Variants in TNNT3 observed in about 807,000 individuals in gnomAD.
The protein encoded by TNNT3 is troponin T3, fast skeletal type, also known as troponin T, fast skeletal muscle.
A neutral mutation model predicts 54.2 loss-of-function variants in TNNT3; 36 were observed. That is an observed-to-expected ratio of 0.66 (90% CI 0.51 to 0.88). TNNT3 has a LOEUF of 0.88. Among genes scored for constraint, TNNT3 ranks in the 40% least tolerant of loss-of-function variants. The pLI is 0.00. For missense variants in TNNT3, 291 were observed against 331.6 expected, an observed-to-expected ratio of 0.88 and a Z score of 0.95; for synonymous variants, 120 against 109.7, an observed-to-expected ratio of 1.09 and a Z score of -0.59.
intron 14 of TNNT3, chr11:1,936,064 A>G: frequency 1.2e-6 from 1 of 815,332 alleles, no homozygotes; most frequent in Non-Finnish European, 2.0e-6. Flanking sequence ...GAGCTGAATC[A>G]GGGACCCACT....
chr11:1,924,617 C>T (rs1400085919), intron 4 of TNNT3, among the ~76,000 whole-genome samples: 2 of 152,236 alleles, frequency 1.3e-5, no homozygotes, highest in African/African-American at 4.8e-5. Flanking sequence ...AGCCACGTGG[C>T]AGGCCGGGAG....
rs573691107 is a variant in TNNT3 at position 1,929,154 on chromosome 11, G to A, written c.106+11G>A. 160 of 1,612,666 alleles carry A rather than the reference G, an allele frequency of 9.9e-5. No homozygotes were observed. The South Asian group carries it at 1.6e-3, about 16-fold the overall frequency. On this transcript the variant is annotated intron_variant, in intron 7 of 15. Coordinates refer to ENST00000278317, the MANE Select transcript of TNNT3 (RefSeq NM_006757.4). ...AGGAGGACGCGGAAGGTAAGGGCCC[G>A]TCCCTGCCGCCGGAGGTGCAGGACC...
At chr11:1,919,598 C>G (rs573371863), upstream of TNNT3, 1 of 152,298 alleles carries the variant, frequency 6.6e-6, no homozygotes, top group Non-Finnish European at 1.5e-5. Flanking sequence ...CGGGCATAGC[C>G]CCCCCCAGCA....
Position 1,934,549 on chromosome 11 carries a change from G to A in TNNT3, c.484G>A (p.Asp162Asn). The change falls in exon 13 of 16, where the codon GAC (aspartate) becomes AAC (asparagine). Residue 162 changes from aspartate to asparagine, a missense_variant. Transcript: ENST00000278317. ...ANYSSYLAKA[D>N]QKRGKKQTAR... is the part of the protein sequence containing the mutation. ...TCTTTGGGCCTGTCCGCTGCAGGCT[G>A]ACCAGAAGAGAGGCAAGAAGCAGAC... 6.2e-7 allele frequency: 1 copy of A among 1,609,002 alleles called. No homozygotes were observed. Among genetic ancestry groups the A allele is most frequent in the Non-Finnish European group, 8.5e-7 (1 of 1,178,038 alleles).
intron 8 of TNNT3, among the ~76,000 whole-genome samples, chr11:1,931,219 A>G (rs1853253013): frequency 6.6e-6 from 1 of 152,210 alleles, no homozygotes; most frequent in Admixed American, 6.5e-5. Context: ...GCTTTCCCCA[A>G]TATTTTACTA....
At chr11:1,933,901 G>A (rs1854174712) in intron 10 of TNNT3, 30 bp from the exon 11 acceptor site, 16 of 1,612,686 alleles carry the variant, frequency 9.9e-6, no homozygotes, top group Non-Finnish European at 1.4e-5. Flanking sequence ...CCGGGGACAG[G>A]GCTGAGCAGA....
chr11:1,937,225 T>C (rs912391898), intron 15 of TNNT3, among the ~76,000 whole-genome samples: 9 of 151,622 alleles, frequency 5.9e-5, no homozygotes, highest in African/African-American at 2.2e-4. Context: ...GGTGGCAGAG[T>C]CAGGAGGAGG....
intron 15 of TNNT3, chr11:1,938,124 CATT>C (rs1855699131): frequency 7.1e-6 from 3 of 419,820 alleles, no homozygotes; most frequent in Non-Finnish European, 1.4e-5. Flanking sequence ...AGGATTATAT[CATT>C]ATCTGCTAAG....
chr11:1,934,610 G>A lies in TNNT3; in HGVS notation c.545G>A (p.Arg182Lys), dbSNP rs1377074120. The change falls in exon 13 of 16, where the codon AGA becomes AAA. Residue 182 changes from arginine to lysine, a missense_variant. Physicochemically the swap from Arg to Lys is conservative, Grantham distance 26. Coordinates refer to ENST00000278317, the MANE Select transcript of TNNT3 (RefSeq NM_006757.4). ...REMKKKILAE[R>K]RKPLNIDHLG... The stretch of plus-strand genomic sequence containing the variant: ...ATGAAGAAGAAGATTCTGGCTGAGA[G>A]ACGCAAGCCGCTCAACATCGATCAC... 4 of 1,608,940 alleles carry A rather than the reference G, an allele frequency of 2.5e-6. No homozygotes were observed. Among genetic ancestry groups the A allele is most frequent in the Non-Finnish European group, 3.4e-6 (4 of 1,178,250 alleles).
chr11:1,934,321 G>T lies in TNNT3; in HGVS notation c.367-11G>T, dbSNP rs1184997407. 1 of 1,609,816 alleles carries T rather than the reference G, an allele frequency of 6.2e-7. No homozygotes were observed. The highest frequency in any genetic ancestry group is 8.5e-7 in the Non-Finnish European group (1 of 1,176,506). Reference sequence around the variant, plus strand: ...CCATCCCTGAGCATCTTGGGAATGGGGTCTCCACAGGAGGAAAAGGCCAGA... The same window carrying T: ...CCATCCCTGAGCATCTTGGGAATGGTGTCTCCACAGGAGGAAAAGGCCAGA... On this transcript the variant is annotated splice_polypyrimidine_tract_variant and intron_variant, in intron 11 of 15. Transcript: ENST00000278317.
chr11:1,938,324 C>A, intron 15 of TNNT3, 114 bp from the exon 16 acceptor site: 2 of 1,168,242 alleles, frequency 1.7e-6, no homozygotes, highest in Non-Finnish European at 2.6e-6. Context: ...TTGGGCCGGG[C>A]CTGTGCCCTG....
intron 5 of TNNT3, 113 bp from the exon 6 acceptor site, chr11:1,926,582 G>T: frequency 6.2e-7 from 1 of 1,606,950 alleles, no homozygotes; most frequent in South Asian, 1.1e-5. Context: ...GCACAGCCTG[G>T]CCTGCTCGCT....
At position 1,923,590 on chromosome 11, in the gene TNNT3, C is replaced by T. The variant is rs372467045; in HGVS notation, c.49+18C>T. 113 of 1,612,776 alleles carry T rather than the reference C, an allele frequency of 7.0e-5. No homozygotes were observed. The highest frequency in any genetic ancestry group is 8.3e-5 in the Admixed American group (5 of 59,980). On this transcript the variant is annotated intron_variant, in intron 4 of 15. Coordinates refer to ENST00000278317, the MANE Select transcript of TNNT3 (RefSeq NM_006757.4). ...AGAAGAAGGTAATTCTGGCAACCACCGGAAGCCCCCCCAGCCCCTCCTTGG... is the reference window on the plus strand; with the variant it reads ...AGAAGAAGGTAATTCTGGCAACCACTGGAAGCCCCCCCAGCCCCTCCTTGG...
intron 15 of TNNT3, 134 bp downstream of exon 15, chr11:1,937,137 A>T: frequency 1.0e-6 from 1 of 974,230 alleles, no homozygotes; most frequent in South Asian, 1.4e-5. Context: ...CGGCCAGGCC[A>T]CCCAGGCCAG....
Position 1,937,002 on chromosome 11 carries a change from C to A in TNNT3, c.721C>A (p.His241Asn), listed in dbSNP as rs1291156649. 1 of 1,602,354 alleles carries A rather than the reference C, an allele frequency of 6.2e-7. No individual in the cohort carries two copies. Among genetic ancestry groups the A allele is most frequent in the African/African-American group, 1.3e-5 (1 of 74,902 alleles). ...GAGCCGCATTGACCAGGCCCAGAAG[C>A]AGTGAGTAGCCCTGCCGTCCTCGCT... ...LRSRIDQAQK[H>N]SKKAGTPAKG... Residue 241 changes from histidine (H) to asparagine (N), a missense_variant and splice_region_variant, in exon 15 of 16, where the codon CAC becomes AAC. Transcript: ENST00000278317.
intron 8 of TNNT3, among the ~76,000 whole-genome samples, chr11:1,930,254 A>G (rs1852985043): frequency 6.6e-6 from 1 of 152,060 alleles, no homozygotes; most frequent in Non-Finnish European, 1.5e-5. Flanking sequence ...GAGTCTGGCC[A>G]CCGCAACACC....
intron 4 of TNNT3, 169 bp from the exon 5 acceptor site, chr11:1,924,930 G>T: frequency 1.3e-6 from 1 of 741,120 alleles, no homozygotes; most frequent in Admixed American, 2.0e-5. Flanking sequence ...GCTGGCCAGA[G>T]ATGCAGGACT....
intron 4 of TNNT3, 57 bp downstream of exon 4, chr11:1,923,629 T>G: frequency 4.0e-6 from 4 of 1,005,138 alleles, no homozygotes; most frequent in Non-Finnish European, 5.4e-6. Context: ...TTAACCCCCC[T>G]CTCCCGTGTG....
At chr11:1,935,541 C>A (rs533833700) in intron 14 of TNNT3, 2 of 172,880 alleles carry the variant, frequency 1.2e-5, no homozygotes, top group East Asian at 2.9e-4. Flanking sequence ...CCTGCCCGGG[C>A]GGCCTCAGGG....
Sources: allele counts gnomAD v4.1 joint callset (sites outside exome capture counted in the v4.1 genomes callset), GRCh38; gene constraint gnomAD v4.1.1; transcripts MANE v1.5; gene names NCBI Gene and HGNC (gene_info 2026-07-23, HGNC 2026-07-21).